The following CCDC159 variants were observed in gnomAD, a reference collection of about 807,000 sequenced individuals.
CCDC159 encodes the protein coiled-coil domain containing 159.
Under a neutral mutation model 50.9 loss-of-function variants are expected in CCDC159, and 40 were observed. That is an observed-to-expected ratio of 0.79 (90% CI 0.61 to 1.02). The LOEUF (loss-of-function observed/expected upper bound fraction) is 1.02. Ranked by LOEUF, CCDC159 falls within the 50% of genes least tolerant of loss-of-function variation. CCDC159 has a pLI of 0.00. For missense variants in CCDC159, 356 were observed against 371.5 expected (o/e 0.96, Z 0.34); for synonymous variants, 146 against 138.9 (o/e 1.05, Z -0.36).
intron 1 of CCDC159, among the ~76,000 whole-genome samples, chr19:11,348,499 C>T (rs1043813010): frequency 1.4e-4 from 22 of 152,138 alleles, no homozygotes; most frequent in Middle Eastern, 3.4e-3. Flanking sequence ...ATATTGGCCA[C>T]GCTGGTCTCG....
Position 11,346,639 on chromosome 19 carries a change from G to A in CCDC159, c.21+12G>A, listed in dbSNP as rs1249679602. ...AGCATGAACAGGTGGTATGTGGTAG[G>A]TGGGGTTCTGGAGCCTGGCGGGTGT... On this transcript the variant is annotated intron_variant, in intron 1 of 10. Transcript: ENST00000458408. 6.4e-7 allele frequency: 1 copy of A among 1,551,254 alleles called. No individual in the cohort carries two copies. Among genetic ancestry groups the A allele is most frequent in the Admixed American group, 2.0e-5 (1 of 50,934 alleles).
intron 5 of CCDC159, chr19:11,351,208 G>A: frequency 1.8e-6 from 1 of 543,664 alleles, no homozygotes; most frequent in Non-Finnish European, 3.2e-6. Context: ...AAGCCGAGAT[G>A]GGCGGATCAC....
intron 5 of CCDC159, 91 bp downstream of exon 5, chr19:11,351,094 A>T: frequency 1.1e-4 from 112 of 1,019,402 alleles, no homozygotes; most frequent in Non-Finnish European, 1.4e-4. Context: ...GAAATGGCAG[A>T]TGCCTGGGGG....
chr19:11,350,895 T>C lies in CCDC159; in HGVS notation c.314T>C (p.Leu105Pro), dbSNP rs1347269768. ...EQGRQELYGALTQGLQGLEKT... is the reference protein window; with the variant it reads ...EQGRQELYGAPTQGLQGLEKT... ...GGCCGGCAGGAGCTGTATGGGGCCC[T>C]GACCCAAGGCCTTCAGGGGCTGGAG... Residue 105 changes from leucine to proline, a missense_variant, in exon 5 of 11, where the codon CTG (leucine) becomes CCG (proline). By Grantham distance (98) the Leu-to-Pro change is moderately conservative. Transcript: ENST00000458408. 2 of 1,552,684 alleles carry C rather than the reference T, an allele frequency of 1.3e-6. No individual in the cohort carries two copies. Among genetic ancestry groups the C allele is most frequent in the Non-Finnish European group, 8.7e-7 (1 of 1,148,096 alleles).
At chr19:11,349,504 G>A (rs964186145) in intron 1 of CCDC159, 150 bp from the exon 2 acceptor site, 5 of 927,436 alleles carry the variant, frequency 5.4e-6, no homozygotes, top group Non-Finnish European at 8.4e-6. Flanking sequence ...GCATGAATAT[G>A]CCTGGAGTGC....
intron 9 of CCDC159, 120 bp downstream of exon 9, chr19:11,353,994 A>G: frequency 1.3e-6 from 1 of 776,750 alleles, no homozygotes. Flanking sequence ...TGGTCACATT[A>G]AGTAGTGTTC....
chr19:11,350,254 C>A, intron 4 of CCDC159, 55 bp downstream of exon 4: 1 of 1,495,450 alleles, frequency 6.7e-7, no homozygotes, highest in South Asian at 1.2e-5. Context: ...TGGCTCACGC[C>A]TGTAATCCCA....
intron 1 of CCDC159, chr19:11,348,287 G>A: frequency 2.6e-6 from 1 of 382,012 alleles, no homozygotes. Context: ...AATCTTTTTT[G>A]TTGTTGTTTT....
At chr19:11,349,432 G>GCTGTGATCGTCTCTCAGC in intron 1 of CCDC159, 1 of 602,304 alleles carries the variant, frequency 1.7e-6, no homozygotes, top group Non-Finnish European at 2.9e-6. Context: ...TGGGGATTTG[G>GCTGTGATCGTCTCTCAGC]CTGTGATCGT....
At chr19:11,354,484 G>A in intron 9 of CCDC159, 96 bp from the exon 10 acceptor site, 1 of 1,133,448 alleles carries the variant, frequency 8.8e-7, no homozygotes, top group Non-Finnish European at 1.2e-6. Context: ...TGGGGGTCAT[G>A]GTTTAAGTAT....
In CCDC159 at chr19:11,353,893, T is replaced by G; in HGVS notation, c.772+19T>G. Reference sequence around the variant, plus strand: ...CTAAGAGGTGAGGGAGGCTGAGAATTGCTCAGGGGTGGGAGGTCATTGTCT... The same window carrying G: ...CTAAGAGGTGAGGGAGGCTGAGAATGGCTCAGGGGTGGGAGGTCATTGTCT... On this transcript the variant is annotated intron_variant, in intron 9 of 10. Coordinates refer to ENST00000458408, the MANE Select transcript of CCDC159 (RefSeq NM_001080503.3). 1 of 1,543,614 alleles carries G rather than the reference T, an allele frequency of 6.5e-7. No homozygotes were observed. The highest frequency in any genetic ancestry group is 8.7e-7 in the Non-Finnish European group (1 of 1,145,510).
chr19:11,348,063 C>T (rs11882629), intron 1 of CCDC159: 24,660 of 449,968 alleles, frequency 0.055, 1,705 homozygotes, highest in African/African-American at 0.24. Context: ...TGCTTCCTCT[C>T]GGACCTCGAT....
chr19:11,352,273 C>T (rs1444427455), intron 7 of CCDC159, 140 bp downstream of exon 7: 1 of 793,048 alleles, frequency 1.3e-6, no homozygotes, highest in South Asian at 1.6e-5. Context: ...GGGCAAGTCA[C>T]TTGACCTCTC....
Position 11,351,909 on chromosome 19 carries a change from G to T in CCDC159, c.426G>T (p.Lys142Asn). 1 of 1,594,984 alleles carries T rather than the reference G, an allele frequency of 6.3e-7. No individual in the cohort carries two copies. Among genetic ancestry groups the T allele is most frequent in the East Asian group, 2.3e-5 (1 of 43,926 alleles). Residue 142 changes from lysine (K) to asparagine (N), a missense_variant, in exon 6 of 11, where the codon AAG becomes AAT. Physicochemically the swap from Lys to Asn is moderately conservative, Grantham distance 94 (BLOSUM62 0). Coordinates refer to ENST00000458408, the MANE Select transcript of CCDC159 (RefSeq NM_001080503.3). ...QLLAQEIRDS[K>N]KFLWEELELV... ...CTAGGCTGCACTGTCCCCTCAGCAA[G>T]AAGTTCCTGTGGGAGGAGCTGGAAC...
chr19:11,346,691 C>A, intron 1 of CCDC159, 64 bp downstream of exon 1: 4 of 1,519,226 alleles, frequency 2.6e-6, no homozygotes, highest in East Asian at 5.0e-5. Context: ...GGGGCGGAGC[C>A]AGGATGATGA....
At chr19:11,349,826 A>G (rs2144627706) in intron 2 of CCDC159, 112 bp from the exon 3 acceptor site, 1 of 1,215,772 alleles carries the variant, frequency 8.2e-7, no homozygotes, top group Non-Finnish European at 1.2e-6. Flanking sequence ...CCCCTGTTCT[A>G]TATCTTATCC....
Position 11,353,569 on chromosome 19 carries a change from T to G in CCDC159, c.686T>G (p.Ile229Arg), listed in dbSNP as rs762780671. 1.9e-6 allele frequency: 3 copies of G among 1,612,564 alleles called. No homozygotes were observed. The Admixed American group carries it at 5.0e-5, about 27-fold the overall frequency. Residue 229 changes from isoleucine to arginine, a missense_variant, in exon 8 of 11, where the codon ATA (isoleucine) becomes AGA (arginine). Coordinates refer to ENST00000458408, the MANE Select transcript of CCDC159 (RefSeq NM_001080503.3). Reference sequence around the variant, plus strand: ...GACCTCCAGAAGGAACTGAGTGATATATGGTGATGCCCAGCCTGCAGTCTG... The same window carrying G: ...GACCTCCAGAAGGAACTGAGTGATAGATGGTGATGCCCAGCCTGCAGTCTG... The part of the protein sequence containing the change: ...KDDLQKELSD[I>R]WSAVHVLQNS...
At chr19:11,348,979 C>A (rs946551871) in intron 1 of CCDC159, 3 of 1,339,112 alleles carry the variant, frequency 2.2e-6, no homozygotes, top group African/African-American at 3.0e-5. Context: ...CTTCCTCGGA[C>A]AAGGCTCTGG....
intron 4 of CCDC159, 37 bp from the exon 5 acceptor site, chr19:11,350,771 G>A (rs970742209): frequency 7.9e-5 from 119 of 1,504,484 alleles, no homozygotes; most frequent in Non-Finnish European, 9.5e-5. Context: ...GTTCAGGGTG[G>A]GATCAGGGCT....
Sources: gnomAD v4.1 joint callset for allele counts (sites outside exome capture counted in the v4.1 genomes callset) on GRCh38, gnomAD v4.1.1 for gene constraint, MANE v1.5 for transcripts, NCBI Gene and HGNC (gene_info 2026-07-23, HGNC 2026-07-21) for gene names.